Variants in HYDIN observed in about 807,000 individuals in gnomAD.
The protein encoded by HYDIN is axonemal central pair apparatus protein HYDIN.
In HYDIN, 132 loss-of-function variants were observed where a neutral mutation model predicts 403.9. The ratio of observed to expected loss-of-function variants is 0.33; its 90% CI spans 0.28 to 0.38. HYDIN has a LOEUF of 0.38. HYDIN is among the 10% of genes least tolerant of loss of function. The probability of loss-of-function intolerance (pLI) is 1.00; values close to 1 mark genes in which losing one functional copy is unlikely to be tolerated. For missense variants in HYDIN, 2,827 were observed against 5,009.5 expected, an observed-to-expected ratio of 0.56 and a Z score of 13.15; for synonymous variants, 1,202 against 1,891.7, an observed-to-expected ratio of 0.64 and a Z score of 9.46.
At chr16:71,170,888 T>C (rs777550623) in intron 5 of HYDIN, among the ~76,000 whole-genome samples, 3 of 152,208 alleles carry the variant, frequency 2.0e-5, no homozygotes, top group Admixed American at 6.5e-5. Flanking sequence ...GAAGCCAGAC[T>C]GGTCATGCGC....
intron 62 of HYDIN, among the ~76,000 whole-genome samples, chr16:70,878,661 GT>G (rs1362196469): frequency 1.4e-5 from 2 of 146,494 alleles, no homozygotes; most frequent in Admixed American, 6.6e-5. Flanking sequence ...GTTTTGTTTT[GT>G]TTTTTGGCTT....
chr16:71,164,047 T>C (rs1182816206), intron 5 of HYDIN, among the ~76,000 whole-genome samples: 2 of 146,978 alleles, frequency 1.4e-5, no homozygotes, highest in Non-Finnish European at 3.0e-5. Flanking sequence ...AAGATAGAAA[T>C]AGCATATTTG....
At chr16:70,955,291 C>T in intron 40 of HYDIN, 84 bp downstream of exon 40, 2 of 836,978 alleles carry the variant, frequency 2.4e-6, no homozygotes, top group Admixed American at 2.6e-5. Context: ...GGGAGGAGAG[C>T]TCAGTGGGGC....
At chr16:70,819,786 CTTT>C (rs2036109037) in intron 83 of HYDIN, among the ~76,000 whole-genome samples, 1 of 151,460 alleles carries the variant, frequency 6.6e-6, no homozygotes, top group Non-Finnish European at 1.5e-5. Flanking sequence ...CTTTCAACTT[CTTT>C]GTGTCTTGAA....
intron 12 of HYDIN, 68 bp from the exon 13 acceptor site, chr16:71,080,020 T>C (rs540418077): frequency 2.3e-5 from 15 of 649,842 alleles, no homozygotes; most frequent in East Asian, 1.9e-4. Flanking sequence ...AATCAGGAAG[T>C]AGGGCAAGGA....
chr16:71,052,201 T>C (rs2081677970), intron 18 of HYDIN, among the ~76,000 whole-genome samples: 1 of 152,170 alleles, frequency 6.6e-6, no homozygotes, highest in African/African-American at 2.4e-5. Flanking sequence ...AAATAATACA[T>C]ACAAAAGGAC....
chr16:71,226,011 A>T (rs544708569), intron 1 of HYDIN, among the ~76,000 whole-genome samples: 1 of 152,360 alleles, frequency 6.6e-6, no homozygotes, highest in Admixed American at 6.5e-5. Flanking sequence ...TACTCCAATG[A>T]AATCTAATCA....
intron 47 of HYDIN, among the ~76,000 whole-genome samples, chr16:70,912,108 CTT>C (rs1414095742): frequency 2.7e-5 from 4 of 149,896 alleles, no homozygotes; most frequent in African/African-American, 7.5e-5. Flanking sequence ...ATTGCTCTCT[CTT>C]GTCTGATTGT....
intron 45 of HYDIN, among the ~76,000 whole-genome samples, chr16:70,921,945 C>A (rs965591586): frequency 1.3e-5 from 2 of 152,214 alleles, no homozygotes; most frequent in Non-Finnish European, 2.9e-5. Context: ...ATTTTCTCCT[C>A]CCCTGGATGA....
At chr16:71,217,188 T>A (rs988346773) in intron 1 of HYDIN, among the ~76,000 whole-genome samples, 2 of 152,210 alleles carry the variant, frequency 1.3e-5, no homozygotes, top group Non-Finnish European at 2.9e-5. Flanking sequence ...GTCCATCCAA[T>A]AGATCATAAG....
chr16:71,038,721 C>T lies in HYDIN; in HGVS notation c.2530-6804G>A, dbSNP rs1326669956. Among the ~76,000 whole-genome samples the T allele has an allele frequency of 5.3e-5, 8 of 152,378 alleles. No homozygotes were observed. The South Asian group carries it at 8.3e-4, about 16-fold the overall frequency. On this transcript the variant is annotated intron_variant, in intron 18 of 85. Transcript: ENST00000393567. ...TGTCACCCAGGCTAGAGTGCAGTGG[C>T]GCCATCTCGGACCACTGCAACCTCC... is the stretch of plus-strand genomic sequence containing the variant.
intron 1 of HYDIN, among the ~76,000 whole-genome samples, chr16:71,217,157 C>T (rs1281474064): frequency 1.3e-5 from 2 of 152,192 alleles, no homozygotes; most frequent in African/African-American, 4.8e-5. Context: ...TTCCAGTATT[C>T]TGCTGTTCTT....
intron 25 of HYDIN, among the ~76,000 whole-genome samples, chr16:70,989,521 A>G (rs1465548097): frequency 6.6e-6 from 1 of 152,142 alleles, no homozygotes; most frequent in Non-Finnish European, 1.5e-5. Context: ...TATTATATAT[A>G]TGTGTGTATA....
intron 29 of HYDIN, among the ~76,000 whole-genome samples, chr16:70,980,883 G>C (rs1202803597): frequency 6.6e-6 from 1 of 152,184 alleles, no homozygotes. Flanking sequence ...CTGGGGGCCA[G>C]ATGTAACTGG....
intron 5 of HYDIN, among the ~76,000 whole-genome samples, 158 bp from the exon 6 acceptor site, chr16:71,162,888 T>C (rs1400540354): frequency 2.6e-5 from 4 of 152,028 alleles, no homozygotes; most frequent in South Asian, 2.1e-4. Flanking sequence ...TCAAATGAGA[T>C]TGTCTTTTCT....
chr16:71,050,752 C>A (rs181365411), intron 18 of HYDIN, among the ~76,000 whole-genome samples: 1 of 151,696 alleles, frequency 6.6e-6, no homozygotes, highest in Non-Finnish European at 1.5e-5. Flanking sequence ...TAATTTTTTA[C>A]CAATACATTT....
chr16:71,208,158 T>C (rs1264090203), intron 1 of HYDIN, among the ~76,000 whole-genome samples: 1 of 152,134 alleles, frequency 6.6e-6, no homozygotes, highest in African/African-American at 2.4e-5. Flanking sequence ...AAATTGACCA[T>C]GCAATCTGAC....
chr16:70,937,736 C>T (rs924936449), intron 44 of HYDIN, among the ~76,000 whole-genome samples: 2 of 146,166 alleles, frequency 1.4e-5, no homozygotes, highest in African/African-American at 5.0e-5. Flanking sequence ...TGTTTCAGGT[C>T]AGTGGGAGAA....
At chr16:70,975,042 T>C (rs1051905240) in intron 31 of HYDIN, 94 bp downstream of exon 31, 1 of 458,620 alleles carries the variant, frequency 2.2e-6, no homozygotes, top group Non-Finnish European at 3.9e-6. Flanking sequence ...TCAGCCAGTG[T>C]TTCCGGGAGT....
Sources: allele counts gnomAD v4.1 joint callset (sites outside exome capture counted in the v4.1 genomes callset), GRCh38; gene constraint gnomAD v4.1.1; transcripts MANE v1.5; gene names NCBI Gene and HGNC (gene_info 2026-07-23, HGNC 2026-07-21).